PTPRD: variants seen among roughly 807,000 people sequenced by gnomAD.
The protein encoded by PTPRD is receptor-type tyrosine-protein phosphatase delta.
PTPRD carries 34 observed loss-of-function variants against 214.5 expected under a neutral mutation model. The observed-to-expected ratio is 0.16, with a 90% CI of 0.12 to 0.21. The LOEUF is 0.21. Ranked by LOEUF, PTPRD falls within the 10% of genes least tolerant of loss-of-function variation. The pLI, the probability that PTPRD is intolerant of heterozygous loss-of-function variation, is 1.00. For synonymous variants in PTPRD, 1,128 were observed against 845.7 expected, an observed-to-expected ratio of 1.33 and a Z score of -5.79; for missense variants, 2,545 against 2,398.7, an observed-to-expected ratio of 1.06 and a Z score of -1.27.
chr9:9,983,801 G>C (rs972643105), intron 4 of PTPRD, among the ~76,000 whole-genome samples: 1 of 152,130 alleles, frequency 6.6e-6, no homozygotes, highest in African/African-American at 2.4e-5. Context: ...ATGCCTAATT[G>C]AGCATTACTG....
At chr9:8,439,966 T>G (rs1328789523) in intron 34 of PTPRD, among the ~76,000 whole-genome samples, 5 of 110,908 alleles carry the variant, frequency 4.5e-5, no homozygotes, top group African/African-American at 9.6e-5. Context: ...TTTTTTTTTT[T>G]GCAGGCTGTA....
At chr9:8,967,013 G>A (rs868466780) in intron 11 of PTPRD, among the ~76,000 whole-genome samples, 18 of 151,700 alleles carry the variant, frequency 1.2e-4, no homozygotes, top group African/African-American at 4.4e-4. Flanking sequence ...CTTAAAAGAA[G>A]ACACACAGGT....
At chr9:10,243,677 C>A (rs2091553146) in intron 3 of PTPRD, among the ~76,000 whole-genome samples, 1 of 151,872 alleles carries the variant, frequency 6.6e-6, no homozygotes, top group African/African-American at 2.4e-5. Flanking sequence ...TACATAGTAA[C>A]AATAGTAACT....
At chr9:9,038,529 A>G (rs2099629108) in intron 10 of PTPRD, among the ~76,000 whole-genome samples, 1 of 149,724 alleles carries the variant, frequency 6.7e-6, no homozygotes, top group African/African-American at 2.5e-5. Context: ...CTAATTTAAT[A>G]TATGTTCAAT....
At position 9,058,446 on chromosome 9, in the gene PTPRD, T is replaced by TTTTTTTTTTG. The variant is rs1281616796; in HGVS notation, c.-142-39712_-142-39711insCAAAAAAAAA. On this transcript the variant is annotated intron_variant, in intron 10 of 45. Coordinates refer to ENST00000381196, the MANE Select transcript of PTPRD (RefSeq NM_002839.4). ...GGTGAGAGAAATATTATGAGGGTTT[T>TTTTTTTTTTG]TTTTTTTTTTTTTTTTTTTTTTGAG... Among the ~76,000 whole-genome samples, 18 of 33,960 alleles carry TTTTTTTTTTG rather than the reference T, an allele frequency of 5.3e-4. 1 individual carries two copies. The highest frequency in any genetic ancestry group is 1.1e-3 in the Admixed American group (4 of 3,508). 22.3% of individuals were successfully genotyped at this position (33,960 alleles called of 152,430 possible). A position where few individuals can be genotyped will look rare whatever the true frequency, so the allele number is the denominator to read the frequency against.
At chr9:9,634,292 T>C (rs1247875883) in intron 7 of PTPRD, among the ~76,000 whole-genome samples, 3 of 152,276 alleles carry the variant, frequency 2.0e-5, no homozygotes, top group East Asian at 3.9e-4. Flanking sequence ...TGGTAAATAA[T>C]AGCTCATCAA....
intron 3 of PTPRD, among the ~76,000 whole-genome samples, chr9:10,333,847 T>C (rs2096795494): frequency 6.6e-6 from 1 of 151,814 alleles, no homozygotes; most frequent in Non-Finnish European, 1.5e-5. Flanking sequence ...TCTATGCACT[T>C]GACTGAGACT....
intron 11 of PTPRD, among the ~76,000 whole-genome samples, chr9:8,955,789 C>A (rs1355127485): frequency 6.6e-6 from 1 of 151,772 alleles, no homozygotes; most frequent in Non-Finnish European, 1.5e-5. Context: ...ACTCCTGTAA[C>A]ATATATAGTG....
At chr9:9,742,255 G>A (rs1209769470) in intron 6 of PTPRD, among the ~76,000 whole-genome samples, 1 of 152,100 alleles carries the variant, frequency 6.6e-6, no homozygotes, top group Non-Finnish European at 1.5e-5. Context: ...AGAAACTTAA[G>A]GAAGAGACGT....
At chr9:9,313,897 G>A (rs1569567288) in intron 9 of PTPRD, among the ~76,000 whole-genome samples, 1 of 151,896 alleles carries the variant, frequency 6.6e-6, no homozygotes, top group Non-Finnish European at 1.5e-5. Flanking sequence ...ACATATTCAG[G>A]CACACAAGCA....
At chr9:9,742,984 G>A (rs1444210113) in intron 6 of PTPRD, among the ~76,000 whole-genome samples, 4 of 152,088 alleles carry the variant, frequency 2.6e-5, no homozygotes, top group Non-Finnish European at 5.9e-5. Context: ...AGGCATAACT[G>A]TACTTCTATG....
At chr9:10,611,590 T>A (rs2080983420) in intron 2 of PTPRD, among the ~76,000 whole-genome samples, 1 of 152,186 alleles carries the variant, frequency 6.6e-6, no homozygotes, top group African/African-American at 2.4e-5. Context: ...GACATGGTGA[T>A]GTTAGCCCCA....
At chr9:10,279,422 G>A (rs1195121380) in intron 3 of PTPRD, among the ~76,000 whole-genome samples, 1 of 152,062 alleles carries the variant, frequency 6.6e-6, no homozygotes, top group South Asian at 2.1e-4. Flanking sequence ...TTGGTCAACT[G>A]TAATAGTCAT....
chr9:9,137,953 T>C (rs1411104162), intron 10 of PTPRD, among the ~76,000 whole-genome samples: 1 of 152,146 alleles, frequency 6.6e-6, no homozygotes, highest in African/African-American at 2.4e-5. Context: ...ATGCATCAGG[T>C]ATTATTACCT....
chr9:9,237,538 A>G (rs2099967602), intron 9 of PTPRD, among the ~76,000 whole-genome samples: 1 of 152,134 alleles, frequency 6.6e-6, no homozygotes, highest in Non-Finnish European at 1.5e-5. Flanking sequence ...TTGGGTAGTA[A>G]TTACCCTAGA....
chr9:8,532,810 C>A (rs1438213293), intron 14 of PTPRD, among the ~76,000 whole-genome samples: 3 of 151,992 alleles, frequency 2.0e-5, no homozygotes, highest in Admixed American at 2.0e-4. Context: ...TTTGGAATGG[C>A]AGCTATAATA....
intron 11 of PTPRD, chr9:8,962,215 A>G (rs890804661): frequency 6.6e-6 from 1 of 152,112 alleles, no homozygotes; most frequent in African/African-American, 2.4e-5. Flanking sequence ...AAAAATAATT[A>G]CTTGGTGAGA....
intron 30 of PTPRD, among the ~76,000 whole-genome samples, chr9:8,479,428 T>C (rs1446283869): frequency 6.6e-6 from 1 of 152,248 alleles, no homozygotes; most frequent in Admixed American, 6.5e-5. Context: ...ATAGTTTGCT[T>C]TCTTTTTCTG....
At chr9:8,520,522 T>C (rs1271593186) in intron 20 of PTPRD, among the ~76,000 whole-genome samples, 1 of 152,132 alleles carries the variant, frequency 6.6e-6, no homozygotes, top group Non-Finnish European at 1.5e-5. Flanking sequence ...CATTTTGCAA[T>C]AGTTCTAGCC....
Sources: gnomAD v4.1 joint callset for allele counts (sites outside exome capture counted in the v4.1 genomes callset) on GRCh38, gnomAD v4.1.1 for gene constraint, MANE v1.5 for transcripts, NCBI Gene and HGNC (gene_info 2026-07-23, HGNC 2026-07-21) for gene names.